BOD1L1: variants seen among roughly 807,000 people sequenced by gnomAD.
BOD1L1 encodes biorientation of chromosomes in cell division 1 like 1, also known as biorientation of chromosomes in cell division protein 1-like 1.
A neutral mutation model predicts 240.7 loss-of-function variants in BOD1L1; 86 were observed. The observed-to-expected ratio is 0.36, with a 90% CI of 0.30 to 0.43. The LOEUF is 0.43. Ranked by LOEUF, BOD1L1 falls within the 20% of genes least tolerant of loss-of-function variation. The pLI is 1.00. For missense variants in BOD1L1, 3,554 were observed against 3,643.5 expected (o/e 0.98, Z 0.63); for synonymous variants, 1,268 against 1,272.3 (o/e 1.00, Z 0.07).
At chr4:13,587,312 G>C (rs1286643651) in intron 16 of BOD1L1, among the ~76,000 whole-genome samples, 2 of 152,202 alleles carry the variant, frequency 1.3e-5, no homozygotes, top group African/African-American at 2.4e-5. Flanking sequence ...TACAGACCAT[G>C]AGAAAATCAA....
rs757234517 is a variant in BOD1L1 at position 13,602,893 on chromosome 4, T to G, written c.4007A>C (p.Glu1336Ala). The change falls in exon 10 of 26, where the codon GAA (glutamate) becomes GCA (alanine). Residue 1336 changes from glutamate (E) to alanine (A), a missense_variant. Coordinates refer to ENST00000040738, the MANE Select transcript of BOD1L1 (RefSeq NM_148894.3). ...PNQSLTVRES[E>A]VLKTSDSKEG... is the part of the protein sequence containing the mutation. ...TTTGCTGTCACTTGTCTTAAGGACT[T>G]CTGATTCCCTAACAGTCAGACTTTG... The G allele has an allele frequency of 1.9e-6, 3 of 1,614,056 alleles. No homozygotes were observed. Among genetic ancestry groups the G allele is most frequent in the Admixed American group, 1.7e-5 (1 of 60,026 alleles).
intron 25 of BOD1L1, among the ~76,000 whole-genome samples, chr4:13,574,453 T>C (rs1427994952): frequency 2.6e-5 from 4 of 152,246 alleles, no homozygotes; most frequent in Non-Finnish European, 5.9e-5. Context: ...GGAAGAGCTT[T>C]GATAATCCAG....
Position 13,601,149 on chromosome 4 carries a change from A to G in BOD1L1, c.5751T>C (p.Ala1917=). ...CATTCATGATGGCAGCTCCAGCCTC[A>G]GCTTCCACATGCTCTACCACAGTAC... ...QIGTVVEHVE[A]EAGAAIMNAN... The change falls in exon 10 of 26, where the codon GCT becomes GCC. Residue 1917 remains alanine (A), a synonymous_variant. Transcript: ENST00000040738. 6.2e-7 allele frequency: 1 copy of G among 1,613,988 alleles called. No homozygotes were observed. The highest frequency in any genetic ancestry group is 8.5e-7 in the Non-Finnish European group (1 of 1,179,902).
chr4:13,627,307 C>A (rs751476480), intron 1 of BOD1L1, 38 bp downstream of exon 1: 1 of 1,193,022 alleles, frequency 8.4e-7, no homozygotes, highest in Non-Finnish European at 1.1e-6. Context: ...GGGTCCTCCC[C>A]TTCCCTCGCA....
At chr4:13,589,409 C>T (rs1295223389) in intron 14 of BOD1L1, among the ~76,000 whole-genome samples, 1 of 151,984 alleles carries the variant, frequency 6.6e-6, no homozygotes, top group Non-Finnish European at 1.5e-5. Flanking sequence ...AAATAATGTA[C>T]AAATGAAGCA....
At position 13,608,544 on chromosome 4, in the gene BOD1L1, T is replaced by C; in HGVS notation, c.1728A>G (p.Arg576=). ...LEKKVALSKK[R]KKDSRNVEEN... is the part of the protein sequence containing the mutation. ...AAAATATGTACCTTGAATCTTTTTT[T>C]CTCTTTTTGCTTAAGGCTACTTTTT... Residue 576 remains arginine, a synonymous_variant, in exon 8 of 26, where the codon AGA becomes AGG. Coordinates refer to ENST00000040738, the MANE Select transcript of BOD1L1 (RefSeq NM_148894.3). The C allele has an allele frequency of 1.3e-6, 2 of 1,539,304 alleles. No individual in the cohort carries two copies. The highest frequency in any genetic ancestry group is 1.7e-6 in the Non-Finnish European group (2 of 1,147,120).
intron 25 of BOD1L1, among the ~76,000 whole-genome samples, chr4:13,571,892 C>T (rs79999617): frequency 2.1e-4 from 32 of 152,312 alleles, no homozygotes; most frequent in African/African-American, 7.7e-4. Flanking sequence ...AACTGCCTGG[C>T]ACTATAGTTT....
chr4:13,610,954 C>T lies in BOD1L1; in HGVS notation c.1471G>A (p.Glu491Lys). 1 of 1,606,086 alleles carries T rather than the reference C, an allele frequency of 6.2e-7. No individual in the cohort carries two copies. The highest frequency in any genetic ancestry group is 8.5e-7 in the Non-Finnish European group (1 of 1,177,566). The change falls in exon 6 of 26, where the codon GAA becomes AAA. Residue 491 changes from glutamate to lysine, a missense_variant. This residue lies in a region of BOD1L1 where 3,393 missense variants were observed against 3,427.1 expected (regional missense o/e 0.99). Coordinates refer to ENST00000040738, the MANE Select transcript of BOD1L1 (RefSeq NM_148894.3). ...YSDSDDELTV[E>K]QRRQSIAKEK... ...CTTACAATGGACTGTCGTCGTTGTTCTACAGTAAGCTCATCATCAGAATCA... is the reference window on the plus strand; with the variant it reads ...CTTACAATGGACTGTCGTCGTTGTTTTACAGTAAGCTCATCATCAGAATCA...
intron 12 of BOD1L1, among the ~76,000 whole-genome samples, chr4:13,595,436 C>G (rs1714541543): frequency 1.3e-5 from 2 of 152,268 alleles, no homozygotes; most frequent in South Asian, 4.1e-4. Flanking sequence ...AGAGCAGTAT[C>G]TGTGCAGCCA....
In BOD1L1 at chr4:13,607,198, G is replaced by GA. The variant is rs1715778662; in HGVS notation, c.1743-10dup. ...AGTTCTCTTCAACATTCCTAAGGGG[G>GA]AAAGAGTCAAATATAAAGCATGAAT... On this transcript the variant is annotated splice_polypyrimidine_tract_variant and intron_variant, in intron 8 of 25. Transcript: ENST00000040738. 6.5e-7 allele frequency: 1 copy of GA among 1,539,702 alleles called. No individual in the cohort carries two copies. The highest frequency in any genetic ancestry group is 8.8e-7 in the Non-Finnish European group (1 of 1,142,578).
At chr4:13,589,415 A>C (rs1296552204) in intron 14 of BOD1L1, among the ~76,000 whole-genome samples, 2 of 152,236 alleles carry the variant, frequency 1.3e-5, no homozygotes, top group Non-Finnish European at 2.9e-5. Context: ...TGTACAAATG[A>C]AGCAAAAAAT....
rs1332314074 is a variant in BOD1L1 at position 13,602,345 on chromosome 4, T to C, written c.4555A>G (p.Thr1519Ala). 6.2e-7 allele frequency: 1 copy of C among 1,613,880 alleles called. No individual in the cohort carries two copies. The highest frequency in any genetic ancestry group is 8.5e-7 in the Non-Finnish European group (1 of 1,179,894). The change falls in exon 10 of 26, where the codon ACT becomes GCT. Residue 1519 changes from threonine to alanine, a missense_variant. Physicochemically the swap from Thr to Ala is moderately conservative, Grantham distance 58. Around this residue, in one of 2 missense-constraint regions of BOD1L1, gnomAD observed 3,393 missense variants for 3,427.1 expected, o/e 0.99. Transcript: ENST00000040738. ...PRRAEKTSVA[T>A]STEGKDKDVT... ...TCTTTGTCCTTCCCTTCAGTACTAG[T>C]GGCAACAGAAGTCTTTTCTGCTCTC...
In BOD1L1 at chr4:13,599,314, ACTG is replaced by A; in HGVS notation, c.7583_7585del (p.Ala2528del). ...ATCAGCTTTTATAGCACCGGTGTTTACTGCTGCCAAATAGCGAATGCTGACAGA... is the reference window on the plus strand; with the variant it reads ...ATCAGCTTTTATAGCACCGGTGTTTACTGCCAAATAGCGAATGCTGACAGA... On this transcript the variant is annotated inframe_deletion, in exon 10 of 26. Coordinates refer to ENST00000040738, the MANE Select transcript of BOD1L1 (RefSeq NM_148894.3). 6.2e-7 allele frequency: 1 copy of A among 1,613,798 alleles called. No homozygotes were observed. The highest frequency in any genetic ancestry group is 8.5e-7 in the Non-Finnish European group (1 of 1,179,826).
chr4:13,589,444 A>G (rs1223682021), intron 14 of BOD1L1, among the ~76,000 whole-genome samples: 1 of 152,254 alleles, frequency 6.6e-6, no homozygotes, highest in Non-Finnish European at 1.5e-5. Flanking sequence ...TGGTATATTC[A>G]AAAGCAATTA....
At chr4:13,607,781 T>C (rs1474094974) in intron 8 of BOD1L1, among the ~76,000 whole-genome samples, 3 of 152,322 alleles carry the variant, frequency 2.0e-5, no homozygotes, top group East Asian at 3.9e-4. Context: ...ATGAATGCTT[T>C]ATGGGCTATA....
intron 25 of BOD1L1, among the ~76,000 whole-genome samples, chr4:13,576,054 C>T (rs778487665): frequency 2.6e-5 from 4 of 151,966 alleles, no homozygotes; most frequent in Non-Finnish European, 5.9e-5. Context: ...AGGCACTCAC[C>T]ACCATGCCTG....
rs569871333 is a variant in BOD1L1 at position 13,608,018 on chromosome 4, C to T, written c.1742+512G>A. ...TGGCTCACATGACTTCATAGCTACC[C>T]TCAAGAGTCTCTTTAGCTTTCTAAT... On this transcript the variant is annotated intron_variant, in intron 8 of 25. Coordinates refer to ENST00000040738, the MANE Select transcript of BOD1L1 (RefSeq NM_148894.3). 2.6e-5 allele frequency among the ~76,000 whole-genome samples: 4 copies of T among 152,252 alleles called. No homozygotes were observed. The East Asian group carries it at 7.7e-4, about 29-fold the overall frequency.
chr4:13,601,540 C>A lies in BOD1L1; in HGVS notation c.5360G>T (p.Gly1787Val). 1 of 1,614,058 alleles carries A rather than the reference C, an allele frequency of 6.2e-7. No individual in the cohort carries two copies. Among genetic ancestry groups the A allele is most frequent in the Non-Finnish European group, 8.5e-7 (1 of 1,179,904 alleles). The change falls in exon 10 of 26, where the codon GGT becomes GTT. Residue 1787 changes from glycine (G) to valine (V), a missense_variant. By Grantham distance (109) the Gly-to-Val change is moderately radical. Transcript: ENST00000040738. Reference sequence around the variant, plus strand: ...CCCCGTGCTGGTGACTGCACTCTCACCTTCTGTACCATCATTCACAGAACC... The same window carrying A: ...CCCCGTGCTGGTGACTGCACTCTCAACTTCTGTACCATCATTCACAGAACC... Reference protein sequence around the residue: ...GDGSVNDGTEGESAVTSTGIT... With the variant: ...GDGSVNDGTEVESAVTSTGIT...
intron 14 of BOD1L1, 30 bp from the exon 15 acceptor site, chr4:13,588,822 A>C: frequency 6.8e-7 from 1 of 1,465,606 alleles, no homozygotes; most frequent in Middle Eastern, 2.3e-4. Context: ...AAGAAAAAAA[A>C]ATCTTAAATA....
Sources: allele counts gnomAD v4.1 joint callset (sites outside exome capture counted in the v4.1 genomes callset), GRCh38; gene constraint gnomAD v4.1.1; regional missense constraint gnomAD v4.1.1; transcripts MANE v1.5; gene names NCBI Gene and HGNC (gene_info 2026-07-23, HGNC 2026-07-21).